BIN2: variants seen among roughly 807,000 people sequenced by gnomAD.
BIN2 encodes the protein breast cancer associated protein BRAP1.
Under a neutral mutation model 67.9 loss-of-function variants are expected in BIN2, and 43 were observed. The ratio of observed to expected loss-of-function variants is 0.63; its 90% confidence interval spans 0.50 to 0.82. The LOEUF (loss-of-function observed/expected upper bound fraction) is 0.82. Among genes scored for constraint, BIN2 ranks in the 40% least tolerant of loss-of-function variants. BIN2 has a pLI of 0.00. For missense variants in BIN2, 581 were observed against 671.6 expected, an observed-to-expected ratio of 0.87 and a Z score of 1.49; for synonymous variants, 244 against 246.8, an observed-to-expected ratio of 0.99 and a Z score of 0.11.
At chr12:51,301,574 T>C (rs1309000740) in intron 5 of BIN2, among the ~76,000 whole-genome samples, 1 of 152,250 alleles carries the variant, frequency 6.6e-6, no homozygotes, top group East Asian at 1.9e-4. Context: ...AGTGGCATGA[T>C]CTTGGCTCAC....
chr12:51,289,395 A>G (rs1311793686), intron 10 of BIN2, among the ~76,000 whole-genome samples: 1 of 151,870 alleles, frequency 6.6e-6, no homozygotes, highest in African/African-American at 2.4e-5. Context: ...TGGGAGGACC[A>G]CTGGAGCCCA....
chr12:51,290,257 T>C (rs1945348119), intron 10 of BIN2, among the ~76,000 whole-genome samples: 1 of 151,822 alleles, frequency 6.6e-6, no homozygotes, highest in African/African-American at 2.4e-5. Context: ...GCCTTCCAAG[T>C]AGCTGAGACT....
At chr12:51,306,897 G>A (rs1233756425) in intron 2 of BIN2, among the ~76,000 whole-genome samples, 1 of 152,160 alleles carries the variant, frequency 6.6e-6, no homozygotes, top group Non-Finnish European at 1.5e-5. Context: ...TCTTTTAAAT[G>A]TGGATAAGGG....
At chr12:51,308,728 G>T (rs1945928448) in intron 2 of BIN2, among the ~76,000 whole-genome samples, 1 of 152,212 alleles carries the variant, frequency 6.6e-6, no homozygotes, top group African/African-American at 2.4e-5. Flanking sequence ...ACAGGTTAAA[G>T]TGTTGCTTGA....
At chr12:51,315,163 T>C (rs1946089327) in intron 1 of BIN2, among the ~76,000 whole-genome samples, 1 of 149,356 alleles carries the variant, frequency 6.7e-6, no homozygotes, top group African/African-American at 2.5e-5. Context: ...GGCATTGTTA[T>C]TATTATTATT....
chr12:51,284,597 TG>T, intron 12 of BIN2, 118 bp downstream of exon 12: 1 of 696,858 alleles, frequency 1.4e-6, no homozygotes, highest in Non-Finnish European at 2.5e-6. Flanking sequence ...CCTGCTTGAC[TG>T]CCCTAAGGGT....
intron 7 of BIN2, 122 bp from the exon 8 acceptor site, chr12:51,297,286 C>G: frequency 1.1e-6 from 1 of 918,612 alleles, no homozygotes; most frequent in Non-Finnish European, 1.7e-6. Context: ...GAAAGCCATC[C>G]CGCTGGGCAC....
At chr12:51,294,295 G>T (rs1243742190) in intron 9 of BIN2, among the ~76,000 whole-genome samples, 2 of 152,262 alleles carry the variant, frequency 1.3e-5, no homozygotes, top group East Asian at 3.9e-4. Flanking sequence ...ACAGCCGGGC[G>T]TGGTGGCTCA....
intron 2 of BIN2, among the ~76,000 whole-genome samples, chr12:51,311,818 C>A (rs1946004131): frequency 6.6e-6 from 1 of 151,882 alleles, no homozygotes; most frequent in East Asian, 1.9e-4. Context: ...GTCACCCAGG[C>A]TGGAGTGCAG....
At chr12:51,299,095 G>T in intron 7 of BIN2, 108 bp downstream of exon 7, 1 of 653,018 alleles carries the variant, frequency 1.5e-6, no homozygotes, top group Non-Finnish European at 2.4e-6. Flanking sequence ...AAAAGGGGGC[G>T]GGGCAGTGTG....
intron 7 of BIN2, among the ~76,000 whole-genome samples, chr12:51,298,216 C>A (rs1296386129): frequency 6.6e-6 from 1 of 152,118 alleles, no homozygotes; most frequent in African/African-American, 2.4e-5. Flanking sequence ...TACTAAAATA[C>A]AAAAACTTAG....
At chr12:51,297,023 T>C in intron 8 of BIN2, 66 bp downstream of exon 8, 1 of 1,431,014 alleles carries the variant, frequency 7.0e-7, no homozygotes, top group Middle Eastern at 1.8e-4. Context: ...ATCATGTAAG[T>C]CAAGGCTACC....
At chr12:51,282,336 G>A (rs1429647339) in intron 12 of BIN2, among the ~76,000 whole-genome samples, 2 of 152,046 alleles carry the variant, frequency 1.3e-5, no homozygotes, top group East Asian at 3.9e-4. Context: ...TACAAAGGTG[G>A]TCCCATAACA....
intron 1 of BIN2, among the ~76,000 whole-genome samples, chr12:51,318,262 CTTTTT>C (rs1267935737): frequency 7.6e-6 from 1 of 131,810 alleles, no homozygotes; most frequent in Non-Finnish European, 1.6e-5. Context: ...TATCTCCATT[CTTTTT>C]TTTTTTTTTT....
intron 1 of BIN2, among the ~76,000 whole-genome samples, chr12:51,316,352 C>T (rs1029274494): frequency 3.4e-5 from 5 of 148,236 alleles, no homozygotes; most frequent in Non-Finnish European, 6.0e-5. Flanking sequence ...AAAAATTAGC[C>T]GGGAGTGGTG....
At chr12:51,287,482 G>A (rs1222287884) in intron 11 of BIN2, among the ~76,000 whole-genome samples, 2 of 151,706 alleles carry the variant, frequency 1.3e-5, no homozygotes, top group East Asian at 3.9e-4. Context: ...TCAGGCACAT[G>A]CCACCATGCC....
chr12:51,288,590 G>A (rs1245399187), intron 10 of BIN2, among the ~76,000 whole-genome samples: 2 of 151,910 alleles, frequency 1.3e-5, no homozygotes, highest in African/African-American at 4.8e-5. Flanking sequence ...AGGGTATTTT[G>A]TTTTGTTCAC....
intron 11 of BIN2, among the ~76,000 whole-genome samples, chr12:51,286,288 G>A (rs1416750813): frequency 6.6e-6 from 1 of 152,188 alleles, no homozygotes; most frequent in African/African-American, 2.4e-5. Flanking sequence ...GAATAGGCTA[G>A]GATCTAAGAT....
intron 12 of BIN2, among the ~76,000 whole-genome samples, chr12:51,283,723 G>A (rs1945171025): frequency 6.6e-6 from 1 of 152,102 alleles, no homozygotes; most frequent in Non-Finnish European, 1.5e-5. Flanking sequence ...GGCCGGGTGT[G>A]GTGGCTCCCG....
Sources: gnomAD v4.1 joint callset for allele counts (sites outside exome capture counted in the v4.1 genomes callset) on GRCh38, gnomAD v4.1.1 for gene constraint, MANE v1.5 for transcripts, NCBI Gene and HGNC (gene_info 2026-07-23, HGNC 2026-07-21) for gene names.